The following XIRP2 variants were observed in gnomAD, a reference collection of about 807,000 sequenced individuals.
XIRP2 encodes xin actin-binding repeat-containing protein 2.
In XIRP2, 236 loss-of-function variants were observed where a neutral mutation model predicts 277.0. The ratio of observed to expected loss-of-function variants is 0.85; its 90% CI spans 0.77 to 0.95. The LOEUF (loss-of-function observed/expected upper bound fraction) is 0.95, where lower values mean the gene tolerates loss of function less well. Among genes scored for constraint, XIRP2 ranks in the 40% least tolerant of loss-of-function variants. The pLI, the probability that XIRP2 is intolerant of heterozygous loss-of-function variation, is 0.00. For synonymous variants in XIRP2, 1,490 were observed against 1,416.5 expected (o/e 1.05, Z -1.17); for missense variants, 4,640 against 4,157.5 (o/e 1.12, Z -3.19).
At chr2:166,987,195 A>T (rs1408178204) in intron 2 of XIRP2, among the ~76,000 whole-genome samples, 1 of 152,204 alleles carries the variant, frequency 6.6e-6, no homozygotes, top group Non-Finnish European at 1.5e-5. Flanking sequence ...TGGGTCCTGC[A>T]AGGGAATGGA....
At chr2:167,091,309 C>T (rs1690140549) in intron 2 of XIRP2, among the ~76,000 whole-genome samples, 1 of 152,068 alleles carries the variant, frequency 6.6e-6, no homozygotes, top group South Asian at 2.1e-4. Flanking sequence ...CCTGCCACTT[C>T]TGAGACTCCA....
At chr2:167,001,574 C>T (rs1380486246) in intron 2 of XIRP2, among the ~76,000 whole-genome samples, 1 of 152,092 alleles carries the variant, frequency 6.6e-6, no homozygotes, top group Non-Finnish European at 1.5e-5. Context: ...AGTGGTCACC[C>T]AATCATTACT....
intron 2 of XIRP2, among the ~76,000 whole-genome samples, chr2:166,970,984 A>G (rs1686562136): frequency 1.3e-5 from 2 of 151,970 alleles, no homozygotes; most frequent in Non-Finnish European, 2.9e-5. Flanking sequence ...AGGAAGATCA[A>G]TAGTTTAATA....
chr2:167,023,791 A>C (rs558695925), intron 2 of XIRP2, among the ~76,000 whole-genome samples: 325 of 151,664 alleles, frequency 2.1e-3, no homozygotes, highest in African/African-American at 6.1e-3. Context: ...TTTCTGAGGG[A>C]TCTGTTCTGT....
intron 3 of XIRP2, among the ~76,000 whole-genome samples, chr2:167,165,793 T>G (rs1434126044): frequency 4.6e-5 from 7 of 152,186 alleles, no homozygotes; most frequent in Non-Finnish European, 2.9e-5. Flanking sequence ...ATGGCTTGCC[T>G]TTTTATTCTC....
Position 167,083,758 on chromosome 2 carries a change from T to C in XIRP2, c.409-52151T>C, listed in dbSNP as rs193229632. 5.6e-3 allele frequency among the ~76,000 whole-genome samples: 848 copies of C among 152,328 alleles called. 17 individuals carry two copies. The highest frequency in any genetic ancestry group is 0.044 in the East Asian group (230 of 5,182). On this transcript the variant is annotated intron_variant, in intron 2 of 10. Transcript: ENST00000409195. ...TGGCTCTCTGTCTGTTGTTGGTGTA[T>C]AAGAATGCTTGTGATTTTTGTGCAT... is the stretch of plus-strand genomic sequence containing the variant.
chr2:167,116,706 G>T (rs182359389), intron 2 of XIRP2, among the ~76,000 whole-genome samples: 14 of 152,092 alleles, frequency 9.2e-5, no homozygotes, highest in Non-Finnish European at 1.8e-4. Flanking sequence ...TCTTGTATTA[G>T]TTAATGTAAT....
At chr2:167,055,224 GCT>G (rs1222898650) in intron 2 of XIRP2, among the ~76,000 whole-genome samples, 3 of 152,124 alleles carry the variant, frequency 2.0e-5, no homozygotes, top group Non-Finnish European at 4.4e-5. Context: ...AAGAAAAAAG[GCT>G]CTGTGTCCAT....
At chr2:166,894,774 A>G (rs541962550) in intron 1 of XIRP2, among the ~76,000 whole-genome samples, 64 of 152,306 alleles carry the variant, frequency 4.2e-4, no homozygotes, top group Admixed American at 1.4e-3. Context: ...CCAACATAGA[A>G]TTTTCAAGTT....
At chr2:167,117,319 C>T (rs1690924218) in intron 2 of XIRP2, among the ~76,000 whole-genome samples, 1 of 152,190 alleles carries the variant, frequency 6.6e-6, no homozygotes, top group Non-Finnish European at 1.5e-5. Flanking sequence ...CCGCCATACA[C>T]ATACAGTGCA....
intron 1 of XIRP2, among the ~76,000 whole-genome samples, chr2:166,894,601 G>A (rs563470632): frequency 6.6e-6 from 1 of 152,190 alleles, no homozygotes; most frequent in East Asian, 1.9e-4. Context: ...TCTAGTATGA[G>A]AAGAAAAAAT....
intron 2 of XIRP2, among the ~76,000 whole-genome samples, chr2:167,017,785 C>T (rs532433444): frequency 6.6e-6 from 1 of 151,970 alleles, no homozygotes; most frequent in African/African-American, 2.4e-5. Flanking sequence ...AGGAGAGCCA[C>T]CCCTGCAAGC....
At chr2:167,114,641 C>T (rs145413209) in intron 2 of XIRP2, among the ~76,000 whole-genome samples, 1,683 of 151,358 alleles carry the variant, frequency 0.011, 30 homozygotes, top group African/African-American at 0.038. Flanking sequence ...TTCCCCTTCC[C>T]GTGTCCATGT....
chr2:167,071,015 A>C (rs1689424757), intron 2 of XIRP2, among the ~76,000 whole-genome samples: 1 of 152,162 alleles, frequency 6.6e-6, no homozygotes, highest in African/African-American at 2.4e-5. Context: ...ACTCAGGCTG[A>C]GATTAAGTAG....
chr2:167,240,580 C>G, intron 6 of XIRP2, 84 bp from the exon 7 acceptor site: 1 of 1,192,782 alleles, frequency 8.4e-7, no homozygotes, highest in Non-Finnish European at 1.2e-6. Context: ...GTGAAAATCA[C>G]TGTAAAATGA....
chr2:167,224,462 G>T (rs1188095771), intron 5 of XIRP2, among the ~76,000 whole-genome samples: 1 of 151,616 alleles, frequency 6.6e-6, no homozygotes, highest in African/African-American at 2.4e-5. Flanking sequence ...TCTCAGACTG[G>T]TCTCAAACTC....
intron 3 of XIRP2, among the ~76,000 whole-genome samples, chr2:167,137,212 A>G (rs184393756): frequency 1.3e-5 from 2 of 152,290 alleles, no homozygotes; most frequent in Admixed American, 1.3e-4. Context: ...AGTCAAGGGG[A>G]GTTTGCTAAT....
intron 3 of XIRP2, among the ~76,000 whole-genome samples, chr2:167,198,844 C>T (rs1441405977): frequency 6.6e-6 from 1 of 152,128 alleles, no homozygotes; most frequent in African/African-American, 2.4e-5. Flanking sequence ...GGCTTCCTTT[C>T]TTTGATCAAT....
Position 167,245,234 on chromosome 2 carries a change from CT to C in XIRP2, c.3847del (p.Ser1283LeufsTer2), listed in dbSNP as rs983455033. The C allele has an allele frequency of 4.3e-6, 7 of 1,613,438 alleles. No individual in the cohort carries two copies. The highest frequency in any genetic ancestry group is 1.1e-5 in the South Asian group (1 of 91,076). ...AGAAAGGGGTGCTTTATTTTTGAGA[CT>C]TTTTCTTTAGATGAGATTAAAGAAG... Reference protein sequence around the residue: ...DVRKGCFIFETFSLDEIKEES... With the variant: ...DVRKGCFIFEXFSLDEIKEES... On this transcript the variant is annotated frameshift_variant, in exon 9 of 11. Coordinates refer to ENST00000409195, the MANE Select transcript of XIRP2 (RefSeq NM_152381.6). LOFTEE classifies it high-confidence loss of function.
Sources: allele counts gnomAD v4.1 joint callset (sites outside exome capture counted in the v4.1 genomes callset), GRCh38; gene constraint gnomAD v4.1.1; transcripts MANE v1.5; gene names NCBI Gene and HGNC (gene_info 2026-07-23, HGNC 2026-07-21).